Variants in NKAIN2 observed in about 807,000 individuals in gnomAD.
NKAIN2 encodes sodium/potassium transporting ATPase interacting 2, also known as sodium/potassium-transporting ATPase subunit beta-1-interacting protein 2.
Under a neutral mutation model 32.6 loss-of-function variants are expected in NKAIN2, and 14 were observed. That is an observed-to-expected ratio of 0.43 (90% CI 0.28 to 0.67). The LOEUF (loss-of-function observed/expected upper bound fraction) is 0.67. NKAIN2 is among the 30% of genes least tolerant of loss of function. The pLI is 0.17. For synonymous variants in NKAIN2, 80 were observed against 87.2 expected, an observed-to-expected ratio of 0.92 and a Z score of 0.46; for missense variants, 198 against 258.3, an observed-to-expected ratio of 0.77 and a Z score of 1.60.
chr6:124,244,490 T>C lies in NKAIN2; in HGVS notation c.55-38515T>C, dbSNP rs376087442. Among the ~76,000 whole-genome samples, 24 of 152,146 alleles carry C rather than the reference T, an allele frequency of 1.6e-4. 1 individual carries two copies. The highest frequency in any genetic ancestry group is 5.8e-4 in the African/African-American group (24 of 41,556). On this transcript the variant is annotated intron_variant, in intron 1 of 6. Transcript: ENST00000368417. Reference sequence around the variant, plus strand: ...AAGATATCTTATCTGCAGGTACAACTGAATGGCTTGTCAAACAGCTTAAGT... The same window carrying C: ...AAGATATCTTATCTGCAGGTACAACCGAATGGCTTGTCAAACAGCTTAAGT...
chr6:124,789,781 A>G (rs1779662125), intron 4 of NKAIN2, among the ~76,000 whole-genome samples: 1 of 152,150 alleles, frequency 6.6e-6, no homozygotes, highest in East Asian at 1.9e-4. Context: ...TACTATCACT[A>G]TCTTATTGCC....
chr6:124,531,934 G>T (rs370913662), intron 3 of NKAIN2, among the ~76,000 whole-genome samples: 2 of 152,314 alleles, frequency 1.3e-5, no homozygotes, highest in South Asian at 2.1e-4. Context: ...TCCTCCCAAA[G>T]TGCTGGGGTT....
intron 4 of NKAIN2, among the ~76,000 whole-genome samples, chr6:124,712,140 C>G (rs1442816476): frequency 4.1e-4 from 61 of 150,378 alleles, no homozygotes; most frequent in Admixed American, 8.0e-4. Context: ...GGGGGTCGGG[C>G]GTCAGGGACC....
intron 5 of NKAIN2, among the ~76,000 whole-genome samples, chr6:124,813,204 A>G (rs1780990745): frequency 6.6e-6 from 1 of 152,156 alleles, no homozygotes; most frequent in Non-Finnish European, 1.5e-5. Context: ...AAAAGCCCCG[A>G]AATACCACAT....
At chr6:124,103,597 A>C (rs57077418) in intron 1 of NKAIN2, among the ~76,000 whole-genome samples, 4,328 of 152,284 alleles carry the variant, frequency 0.028, 206 homozygotes, top group African/African-American at 0.097. Context: ...ATTTGAATGG[A>C]AGTTATTATT....
rs1267941383 is a variant in NKAIN2 at position 123,941,298 on chromosome 6, G to A, written c.54+137044G>A. On this transcript the variant is annotated intron_variant, in intron 1 of 6. Transcript: ENST00000368417. ...ATATTTTTTTTTTATTAGTGGAAGG[G>A]GTACACTCTAAAATTACAATAAATT... 2.6e-5 allele frequency among the ~76,000 whole-genome samples: 4 copies of A among 151,158 alleles called. No homozygotes were observed. The East Asian group carries it at 7.8e-4, about 29-fold the overall frequency.
intron 5 of NKAIN2, among the ~76,000 whole-genome samples, chr6:124,809,024 G>A (rs1159217799): frequency 6.6e-6 from 1 of 152,194 alleles, no homozygotes; most frequent in Non-Finnish European, 1.5e-5. Context: ...TCATGGGTAA[G>A]AAGAATCAAT....
intron 3 of NKAIN2, among the ~76,000 whole-genome samples, chr6:124,618,305 C>G (rs1782982789): frequency 6.6e-6 from 1 of 152,016 alleles, no homozygotes; most frequent in South Asian, 2.1e-4. Context: ...GGGTGAAACC[C>G]CATCTCTACT....
intron 3 of NKAIN2, among the ~76,000 whole-genome samples, chr6:124,624,105 A>ACT: frequency 6.6e-6 from 1 of 152,310 alleles, no homozygotes. Flanking sequence ...ACTCATGCCC[A>ACT]CTTACATGCT....
chr6:123,989,442 G>T (rs148248389), intron 1 of NKAIN2, among the ~76,000 whole-genome samples: 1 of 152,254 alleles, frequency 6.6e-6, no homozygotes, highest in Non-Finnish European at 1.5e-5. Flanking sequence ...TGTGAACAAA[G>T]AACCTTAACA....
At chr6:123,931,797 C>T (rs1023817325) in intron 1 of NKAIN2, among the ~76,000 whole-genome samples, 62 of 151,504 alleles carry the variant, frequency 4.1e-4, no homozygotes, top group African/African-American at 1.5e-3. Context: ...ATCTACTAAC[C>T]CTACTCACCT....
intron 5 of NKAIN2, among the ~76,000 whole-genome samples, chr6:124,808,647 G>C (rs986613827): frequency 8.5e-5 from 13 of 152,164 alleles, no homozygotes; most frequent in African/African-American, 3.1e-4. Flanking sequence ...AATTAGACAG[G>C]AGAAGGAAAT....
At chr6:124,739,184 G>A (rs1777087378) in intron 4 of NKAIN2, among the ~76,000 whole-genome samples, 1 of 151,848 alleles carries the variant, frequency 6.6e-6, no homozygotes, top group Admixed American at 6.6e-5. Flanking sequence ...CAATATGGAT[G>A]GAGATAAATA....
At chr6:124,453,357 A>ACACG (rs1350341058) in intron 3 of NKAIN2, among the ~76,000 whole-genome samples, 6 of 147,826 alleles carry the variant, frequency 4.1e-5, no homozygotes, top group South Asian at 2.2e-4. Context: ...ACACACACAC[A>ACACG]CACACACACA....
At chr6:124,786,401 TTA>T (rs2114796990) in intron 4 of NKAIN2, among the ~76,000 whole-genome samples, 1 of 152,250 alleles carries the variant, frequency 6.6e-6, no homozygotes, top group South Asian at 2.1e-4. Flanking sequence ...ATGTAATAGA[TTA>T]AACGCTAAGG....
At chr6:124,658,708 A>G (rs1381885158) in intron 4 of NKAIN2, 1 of 537,770 alleles carries the variant, frequency 1.9e-6, no homozygotes, top group East Asian at 3.1e-5. Context: ...GATTTTTTTC[A>G]TAACGTTCTA....
At chr6:124,066,421 G>A (rs1362019182) in intron 1 of NKAIN2, among the ~76,000 whole-genome samples, 2 of 152,098 alleles carry the variant, frequency 1.3e-5, no homozygotes, top group East Asian at 3.9e-4. Flanking sequence ...AATATGCACA[G>A]CTTTAGCTAA....
chr6:124,640,676 AAGAG>A (rs1249785563), intron 3 of NKAIN2, among the ~76,000 whole-genome samples: 2 of 152,202 alleles, frequency 1.3e-5, no homozygotes, highest in Non-Finnish European at 2.9e-5. Flanking sequence ...AAAGGCGTGA[AAGAG>A]AGAAGACTCA....
At chr6:124,025,122 A>G (rs1377224381) in intron 1 of NKAIN2, among the ~76,000 whole-genome samples, 1 of 152,214 alleles carries the variant, frequency 6.6e-6, no homozygotes, top group Non-Finnish European at 1.5e-5. Context: ...GATCTAGAGT[A>G]CAGGGAAATT....
Sources: allele counts gnomAD v4.1 joint callset (sites outside exome capture counted in the v4.1 genomes callset), GRCh38; gene constraint gnomAD v4.1.1; transcripts MANE v1.5; gene names NCBI Gene and HGNC (gene_info 2026-07-23, HGNC 2026-07-21).